BRAT1: variants seen among roughly 807,000 people sequenced by gnomAD.
BRAT1 encodes integrator complex assembly factor BRAT1.
In BRAT1, 74 loss-of-function variants were observed where a neutral mutation model predicts 70.6. That is an observed-to-expected ratio of 1.05 (90% CI 0.87 to 1.27). The LOEUF is 1.27. BRAT1 is among the 50% of genes most tolerant of loss of function. The pLI, the probability that BRAT1 is intolerant of heterozygous loss-of-function variation, is 0.00. For synonymous variants in BRAT1, 615 were observed against 517.1 expected (o/e 1.19, Z -2.57); for missense variants, 1,203 against 1,098.2 (o/e 1.10, Z -1.35).
Position 2,543,542 on chromosome 7 carries a change from A to C in BRAT1, c.803+48T>G, listed in dbSNP as rs767234437. The C allele has an allele frequency of 5.3e-6, 8 of 1,497,386 alleles. No homozygotes were observed. The highest frequency in any genetic ancestry group is 7.1e-6 in the Non-Finnish European group (8 of 1,123,940). The allele number at this position is 1,497,386 out of a possible 1,614,324, so 92.8% of individuals were successfully genotyped here. On this transcript the variant is annotated intron_variant, in intron 5 of 13. Coordinates refer to ENST00000340611, the MANE Select transcript of BRAT1 (RefSeq NM_152743.4). This position sits in a 1 kb window ranked among gnomAD's most constrained non-coding sequence, Gnocchi z 5.5. ...GGACATCCCTGGGCGTTATCCGAGG[A>C]AAACAGTTGCCCACCCAGGCCCCCC...
chr7:2,551,696 A>C (rs1388444322), intron 2 of BRAT1, among the ~76,000 whole-genome samples: 2 of 151,442 alleles, frequency 1.3e-5, no homozygotes, highest in Non-Finnish European at 2.9e-5. Context: ...AAAAAAAAAG[A>C]AAAAGAAAAA....
intron 13 of BRAT1, chr7:2,538,977 G>A (rs968793411): frequency 2.1e-6 from 3 of 1,439,572 alleles, no homozygotes; most frequent in South Asian, 1.5e-5. Context: ...TCTAAGTGGA[G>A]GGGTGCTGGG....
rs371240708 is a variant in BRAT1 at position 2,553,474 on chromosome 7, T to C, written c.127+831A>G. ...TATGTGGAGAAAACACTCACTATGA[T>C]AGCAAGAGAGAAAGCAAGACACCAA... On this transcript the variant is annotated intron_variant, in intron 2 of 13. Transcript: ENST00000340611. Among the ~76,000 whole-genome samples, 45 of 152,282 alleles carry C rather than the reference T, an allele frequency of 3.0e-4. No homozygotes were observed. The East Asian group carries it at 4.0e-3, about 14-fold the overall frequency.
At position 2,552,055 on chromosome 7, in the gene BRAT1, T is replaced by C. The variant is rs565953390; in HGVS notation, c.127+2250A>G. Reference sequence around the variant, plus strand: ...AACGTGTAAGATGTAGCTAAAGTCATACTTTTAGAGAAATGCATAGTCTTA... The same window carrying C: ...AACGTGTAAGATGTAGCTAAAGTCACACTTTTAGAGAAATGCATAGTCTTA... On this transcript the variant is annotated intron_variant, in intron 2 of 13. Coordinates refer to ENST00000340611, the MANE Select transcript of BRAT1 (RefSeq NM_152743.4). Among the ~76,000 whole-genome samples, 186 of 128,982 alleles carry C rather than the reference T, an allele frequency of 1.4e-3. 1 individual carries two copies. The Middle Eastern group carries it at 0.036, about 25-fold the overall frequency. The allele number at this position is 128,982 out of a possible 152,430, so 84.6% of individuals were successfully genotyped here.
rs1562569671 is a variant in BRAT1 at position 2,539,849 on chromosome 7, G to A, written c.1435C>T (p.Leu479=). The change falls in exon 11 of 14, where the codon CTG becomes TTG. Residue 479 remains leucine, a synonymous_variant. Coordinates refer to ENST00000340611, the MANE Select transcript of BRAT1 (RefSeq NM_152743.4). ...KAFQATLRWL[L]SSPKTPGCSD... Reference sequence around the variant, plus strand: ...CAGCCGGGGGTCTTGGGTGAGCTCAGGAGCCACCTGAGCGTGGCCTGGAAG... The same window carrying A: ...CAGCCGGGGGTCTTGGGTGAGCTCAAGAGCCACCTGAGCGTGGCCTGGAAG... 3.1e-6 allele frequency: 5 copies of A among 1,602,346 alleles called. No individual in the cohort carries two copies. The highest frequency in any genetic ancestry group is 4.3e-6 in the Non-Finnish European group (5 of 1,175,440).
chr7:2,553,586 C>A (rs562072723), intron 2 of BRAT1, among the ~76,000 whole-genome samples: 1 of 151,592 alleles, frequency 6.6e-6, no homozygotes, highest in South Asian at 2.1e-4. Context: ...TAAATTAAAA[C>A]GTTGATGGTT....
rs1306351358 is a variant in BRAT1 at position 2,541,799 on chromosome 7, C to G, written c.1053G>C (p.Val351=). Residue 351 remains valine, a synonymous_variant, in exon 8 of 14, where the codon GTG becomes GTC. Transcript: ENST00000340611. ...LDGTADDATT[V]DTLLASKSSC... Reference sequence around the variant, plus strand: ...ACGACTTGGAGGCCAGGAGTGTGTCCACCGTCGTGGCATCGTCTGCCGTCC... The same window carrying G: ...ACGACTTGGAGGCCAGGAGTGTGTCGACCGTCGTGGCATCGTCTGCCGTCC... 1 of 1,612,826 alleles carries G rather than the reference C, an allele frequency of 6.2e-7. No individual in the cohort carries two copies. Among genetic ancestry groups the G allele is most frequent in the Admixed American group, 1.7e-5 (1 of 59,986 alleles).
Position 2,541,849 on chromosome 7 carries a change from C to T in BRAT1, c.1016-13G>A. ...CCGTCCAGCAAGCCTGGGGGCCAAG[C>T]CAGGAAGAGCTCCCTTAGAGAGCAC... On this transcript the variant is annotated splice_polypyrimidine_tract_variant and intron_variant, in intron 7 of 13. Transcript: ENST00000340611. 6.2e-7 allele frequency: 1 copy of T among 1,611,486 alleles called. No individual in the cohort carries two copies. Among genetic ancestry groups the T allele is most frequent in the South Asian group, 1.1e-5 (1 of 90,986 alleles).
At position 2,540,886 on chromosome 7, in the gene BRAT1, C is replaced by G. The variant is rs1285227121; in HGVS notation, c.1395+93G>C. 7.1e-6 allele frequency: 9 copies of G among 1,267,332 alleles called. No homozygotes were observed. In the Admixed American group the frequency reaches 1.4e-4, roughly 20 times the overall value. The allele number at this position is 1,267,332 out of a possible 1,614,324, so 78.5% of individuals were successfully genotyped here. On this transcript the variant is annotated intron_variant, in intron 10 of 13. Coordinates refer to ENST00000340611, the MANE Select transcript of BRAT1 (RefSeq NM_152743.4). Reference sequence around the variant, plus strand: ...TGTGGCCCTGTGTGAAGGCCCCATCCGCAGAGGCCTGCACGGGACGGGGTG... The same window carrying G: ...TGTGGCCCTGTGTGAAGGCCCCATCGGCAGAGGCCTGCACGGGACGGGGTG...
At position 2,543,451 on chromosome 7, in the gene BRAT1, T is replaced by A; in HGVS notation, c.804-128A>T. Reference sequence around the variant, plus strand: ...CAAGACAGGCCTTTCCCCATGAGGGTTCCAGGGTCACCCCGGTGCCGCTTC... The same window carrying A: ...CAAGACAGGCCTTTCCCCATGAGGGATCCAGGGTCACCCCGGTGCCGCTTC... On this transcript the variant is annotated intron_variant, in intron 5 of 13. Transcript: ENST00000340611. The surrounding 1 kb of genome is among the most constrained non-coding windows in gnomAD (Gnocchi z 5.5). 11 of 1,480,992 alleles carry A rather than the reference T, an allele frequency of 7.4e-6. No homozygotes were observed. Among genetic ancestry groups the A allele is most frequent in the Non-Finnish European group, 9.8e-6 (11 of 1,119,122 alleles). 91.7% of individuals were successfully genotyped at this position (1,480,992 alleles called of 1,614,324 possible).
intron 4 of BRAT1, 94 bp from the exon 5 acceptor site, chr7:2,544,056 G>C (rs1201422372): frequency 4.0e-5 from 40 of 1,009,700 alleles, no homozygotes; most frequent in Non-Finnish European, 5.1e-5. Flanking sequence ...AAATAGCAGA[G>C]GGCCCCCCAA....
chr7:2,554,711 T>C (rs1011989659), intron 1 of BRAT1, among the ~76,000 whole-genome samples: 2 of 152,184 alleles, frequency 1.3e-5, no homozygotes, highest in African/African-American at 4.8e-5. Context: ...CCTCCGGAAC[T>C]CAAAGTCTGT....
chr7:2,555,254 C>G (rs757954608), intron 1 of BRAT1, among the ~76,000 whole-genome samples: 1 of 152,092 alleles, frequency 6.6e-6, no homozygotes, highest in African/African-American at 2.4e-5. Context: ...GGCTGCGTCC[C>G]GGGAAGAGGA....
In BRAT1 at chr7:2,538,371, G is replaced by A. The variant is rs1778852125; in HGVS notation, c.2164C>T (p.Leu722Phe). The A allele has an allele frequency of 6.2e-7, 1 of 1,613,500 alleles. No individual in the cohort carries two copies. The highest frequency in any genetic ancestry group is 1.3e-5 in the African/African-American group (1 of 75,058). The change falls in exon 14 of 14, where the codon CTC becomes TTC. Residue 722 changes from leucine to phenylalanine, a missense_variant. Leu to Phe is a conservative substitution (Grantham distance 22). Coordinates refer to ENST00000340611, the MANE Select transcript of BRAT1 (RefSeq NM_152743.4). ...DRPVAQKSCD[L>F]LLFLRDKIAS... ...ATCTTGTCCCTCAGGAAGAGAAGGA[G>A]GTCACAAGACTTCTGCGCCACAGGG...
chr7:2,547,586 T>A, intron 2 of BRAT1, 108 bp from the exon 3 acceptor site: 1 of 1,239,966 alleles, frequency 8.1e-7, no homozygotes, highest in Non-Finnish European at 1.1e-6. Flanking sequence ...TGCAGGGTGT[T>A]AGATTTAGGG....
intron 10 of BRAT1, chr7:2,540,277 G>A: frequency 5.7e-6 from 1 of 175,766 alleles, no homozygotes; most frequent in Admixed American, 5.9e-5. Context: ...ATGTTGCCCA[G>A]GCTGGCCTCA....
At chr7:2,544,210 T>TTTTTTTG (rs1437142790) in intron 4 of BRAT1, 1 of 374,782 alleles carries the variant, frequency 2.7e-6, no homozygotes, top group East Asian at 4.1e-5. Flanking sequence ...GTTTTTTTTT[T>TTTTTTTG]TTTTTTTTTT....
intron 3 of BRAT1, among the ~76,000 whole-genome samples, chr7:2,545,734 C>A (rs866888540): frequency 6.6e-6 from 1 of 152,196 alleles, no homozygotes; most frequent in African/African-American, 2.4e-5. Flanking sequence ...AGGTGATCCG[C>A]CTGCCTCAGC....
In BRAT1 at chr7:2,539,370, A is replaced by AC; in HGVS notation, c.1598-20dup. 6.3e-7 allele frequency: 1 copy of AC among 1,592,586 alleles called. No homozygotes were observed. The highest frequency in any genetic ancestry group is 8.6e-7 in the Non-Finnish European group (1 of 1,165,612). The stretch of plus-strand genomic sequence containing the variant: ...GCCTGTCCTGGGGGTCGAAACGGCC[A>AC]CATGCAGCTGTGACTGAGGGCCGAG... On this transcript the variant is annotated intron_variant, in intron 12 of 13. Transcript: ENST00000340611.
Sources: allele counts gnomAD v4.1 joint callset (sites outside exome capture counted in the v4.1 genomes callset), GRCh38; gene constraint gnomAD v4.1.1; non-coding constraint Gnocchi (gnomAD v3.1); transcripts MANE v1.5; gene names NCBI Gene and HGNC (gene_info 2026-07-23, HGNC 2026-07-21).